GPX5: variants seen among roughly 807,000 people sequenced by gnomAD.
GPX5 encodes epididymal secretory glutathione peroxidase.
A neutral mutation model predicts 23.8 loss-of-function variants in GPX5; 20 were observed. That is an observed-to-expected ratio of 0.84 (90% confidence interval 0.59 to 1.22). The LOEUF (loss-of-function observed/expected upper bound fraction) is 1.22, where lower values mean the gene tolerates loss of function less well. Among genes scored for constraint, GPX5 ranks in the 50% most tolerant of loss-of-function variants. The pLI is 0.00. For missense variants in GPX5, 230 were observed against 266.6 expected (o/e 0.86, Z 0.96); for synonymous variants, 92 against 99.5 (o/e 0.92, Z 0.45).
At chr6:28,530,745 G>T (rs1763297382) in intron 2 of GPX5, among the ~76,000 whole-genome samples, 1 of 152,112 alleles carries the variant, frequency 6.6e-6, no homozygotes, top group East Asian at 1.9e-4. Flanking sequence ...TTTCCACCCT[G>T]CAAATAACAG....
chr6:28,532,102 A>G (rs2273106), intron 3 of GPX5, among the ~76,000 whole-genome samples: 19,742 of 152,044 alleles, frequency 0.13, 1,643 homozygotes, highest in East Asian at 0.42. Context: ...TGGATGGACT[A>G]TGGAGGACAG....
intron 2 of GPX5, among the ~76,000 whole-genome samples, 165 bp from the exon 3 acceptor site, chr6:28,531,613 C>T (rs1201118871): frequency 6.6e-6 from 1 of 152,030 alleles, no homozygotes; most frequent in Non-Finnish European, 1.5e-5. Flanking sequence ...GTCTGAAGAT[C>T]CGGCCTCTAA....
intron 4 of GPX5, 84 bp from the exon 5 acceptor site, chr6:28,533,877 G>C: frequency 1.0e-5 from 8 of 801,622 alleles, no homozygotes; most frequent in Non-Finnish European, 1.6e-5. Flanking sequence ...TATAGGAGGG[G>C]GTGGATTACC....
intron 1 of GPX5, among the ~76,000 whole-genome samples, chr6:28,528,837 A>ATGG (rs1562009056): frequency 9.5e-4 from 1 of 1,052 alleles, no homozygotes; most frequent in African/African-American, 5.4e-3. Context: ...ATATATATAT[A>ATGG]TATATATATA....
intron 1 of GPX5, among the ~76,000 whole-genome samples, chr6:28,526,471 A>G (rs1763210558): frequency 1.3e-5 from 2 of 152,140 alleles, no homozygotes; most frequent in Admixed American, 1.3e-4. Flanking sequence ...AGCTGAGTGG[A>G]CTTGTCTCAG....
chr6:28,532,104 G>A (rs1267433640), intron 3 of GPX5, among the ~76,000 whole-genome samples: 1 of 152,066 alleles, frequency 6.6e-6, no homozygotes, highest in African/African-American at 2.4e-5. Context: ...GATGGACTAT[G>A]GAGGACAGAA....
chr6:28,531,370 C>CAAAAAA (rs1193939654), intron 2 of GPX5, among the ~76,000 whole-genome samples: 5 of 50,100 alleles, frequency 1.0e-4, no homozygotes, highest in Non-Finnish European at 1.4e-4. Flanking sequence ...GAATCTGTCT[C>CAAAAAA]AAAAAAAAAA....
intron 1 of GPX5, among the ~76,000 whole-genome samples, chr6:28,528,844 T>TGGTACA (rs1562009083): frequency 1.7e-4 from 1 of 5,780 alleles, no homozygotes; most frequent in Non-Finnish European, 3.1e-4. Context: ...TATATATATA[T>TGGTACA]ATATATATAT....
rs1159276 is a variant in GPX5 at position 28,533,655 on chromosome 6, C to A, written c.460-306C>A. The stretch of plus-strand genomic sequence containing the variant: ...AAGACCTGGAAAACCACATTCCAAT[C>A]CAAGCTATTTACTTTGAAGAAAAGG... On this transcript the variant is annotated intron_variant, in intron 4 of 4. Transcript: ENST00000412168. Among the ~76,000 whole-genome samples the A allele has an allele frequency of 4.0e-3, 602 of 152,256 alleles. 4 individuals are homozygous for A. The highest frequency in any genetic ancestry group is 0.013 in the African/African-American group (538 of 41,550).
At position 28,526,024 on chromosome 6, in the gene GPX5, A is replaced by G. The variant is rs1242521753; in HGVS notation, c.11A>G (p.Gln4Arg). 6.2e-7 allele frequency: 1 copy of G among 1,612,188 alleles called. No homozygotes were observed. The highest frequency in any genetic ancestry group is 1.7e-5 in the Admixed American group (1 of 60,028). Reference sequence around the variant, plus strand: ...CTACAAACACTAGTCATGACTACACAGTTAAGGGTCGTCCATCTGCTTCCC... The same window carrying G: ...CTACAAACACTAGTCATGACTACACGGTTAAGGGTCGTCCATCTGCTTCCC... Reference protein sequence around the residue: MTTQLRVVHLLPLL... With the variant: MTTRLRVVHLLPLL... The change falls in exon 1 of 5, where the codon CAG (glutamine) becomes CGG (arginine). Residue 4 changes from glutamine to arginine, a missense_variant. Transcript: ENST00000412168.
At chr6:28,528,718 T>G (rs761523505) in intron 1 of GPX5, 3 of 151,230 alleles carry the variant, frequency 2.0e-5, no homozygotes, top group Admixed American at 6.6e-5. Flanking sequence ...CTCACAGCTT[T>G]CAAAATAATA....
rs1490656781 is a variant in GPX5, at chr6:28,534,898, A to G, written c.*731A>G. The G allele has an allele frequency of 6.6e-6, 1 of 152,104 alleles. No homozygotes were observed. Among genetic ancestry groups the G allele is most frequent in the Admixed American group, 6.5e-5 (1 of 15,280 alleles). The allele number at this position is 152,104 out of a possible 1,614,324, so 9.4% of individuals were successfully genotyped here. A position where few individuals can be genotyped will look rare whatever the true frequency, so the allele number is the denominator to read the frequency against. ...TTCCCATCTCAACCCTGGATTCCTCACCTTCAGAACGAGCCCTGCCACTGT... is the reference window on the plus strand; with the variant it reads ...TTCCCATCTCAACCCTGGATTCCTCGCCTTCAGAACGAGCCCTGCCACTGT... On this transcript the variant is annotated 3_prime_UTR_variant, in exon 5 of 5. Transcript: ENST00000412168.
intron 1 of GPX5, chr6:28,528,128 T>C (rs1458518026): frequency 1.3e-5 from 2 of 152,222 alleles, no homozygotes; most frequent in Non-Finnish European, 2.9e-5. Flanking sequence ...AGGGACTCAC[T>C]TGCAGATGGA....
At chr6:28,531,167 A>G (rs1763303869) in intron 2 of GPX5, among the ~76,000 whole-genome samples, 1 of 140,766 alleles carries the variant, frequency 7.1e-6, no homozygotes. Flanking sequence ...AGAGGAGAGA[A>G]GCTCAGTCCT....
chr6:28,534,241 A>C lies in GPX5; in HGVS notation c.*74A>C. 1 of 1,068,980 alleles carries C rather than the reference A, an allele frequency of 9.4e-7. No homozygotes were observed. The highest frequency in any genetic ancestry group is 2.6e-5 in the East Asian group (1 of 38,688). The allele number at this position is 1,068,980 out of a possible 1,614,324, so 66.2% of individuals were successfully genotyped here. ...TGCTCTCCCCACCCCTCCAAAAAAAAGGAATACCCATCTTCTCACCACACT... is the reference window on the plus strand; with the variant it reads ...TGCTCTCCCCACCCCTCCAAAAAAACGGAATACCCATCTTCTCACCACACT... On this transcript the variant is annotated 3_prime_UTR_variant, in exon 5 of 5. Coordinates refer to ENST00000412168, the MANE Select transcript of GPX5 (RefSeq NM_001509.3).
rs1316053885 is a variant in GPX5, at chr6:28,534,044, G to A, written c.543G>A (p.Trp181Ter). The A allele has an allele frequency of 1.2e-6, 2 of 1,611,052 alleles. No homozygotes were observed. The highest frequency in any genetic ancestry group is 3.4e-5 in the Admixed American group (2 of 59,430). Residue 181 changes from tryptophan (W) to a stop codon, truncating the protein, a stop_gained, in exon 5 of 5, where the codon TGG becomes TGA. Transcript: ENST00000412168. LOFTEE classifies it high-confidence loss of function. ...WDPVKVHDIR[W>*]NFEKFLVGPD... ...CTGTAAAGGTCCATGACATCCGTTG[G>A]AACTTTGAAAAGTTCCTGGTGGGGC...
At chr6:28,531,389 A>AAAAAAAAAAG (rs1763315872) in intron 2 of GPX5, among the ~76,000 whole-genome samples, 4 of 69,552 alleles carry the variant, frequency 5.8e-5, no homozygotes, top group South Asian at 5.1e-4. Flanking sequence ...AAAAAAAAAA[A>AAAAAAAAAAG]AAAAGAAAAG....
Position 28,534,182 on chromosome 6 carries a change from G to A in GPX5, c.*15G>A. The A allele has an allele frequency of 6.5e-7, 1 of 1,542,626 alleles. No homozygotes were observed. The highest frequency in any genetic ancestry group is 8.7e-7 in the Non-Finnish European group (1 of 1,144,396). ...AAACCAAATAGGAAGGTGGAGTTAA[G>A]GGCAGGAGCAACCCTACTTCTCACC... is the stretch of plus-strand genomic sequence containing the variant. On this transcript the variant is annotated 3_prime_UTR_variant, in exon 5 of 5. Coordinates refer to ENST00000412168, the MANE Select transcript of GPX5 (RefSeq NM_001509.3).
At chr6:28,532,541 A>T in intron 4 of GPX5, 121 bp downstream of exon 4, 2 of 669,676 alleles carry the variant, frequency 3.0e-6, no homozygotes, top group South Asian at 3.8e-5. Flanking sequence ...TGTGGAGAAA[A>T]ATCTCCAGAT....
Sources: gnomAD v4.1 joint callset for allele counts (sites outside exome capture counted in the v4.1 genomes callset) on GRCh38, gnomAD v4.1.1 for gene constraint, MANE v1.5 for transcripts, NCBI Gene and HGNC (gene_info 2026-07-23, HGNC 2026-07-21) for gene names.